PLA2G4A: variants seen among roughly 807,000 people sequenced by gnomAD.
The protein encoded by PLA2G4A is cytosolic phospholipase A2.
Under a neutral mutation model 81.9 loss-of-function variants are expected in PLA2G4A, and 40 were observed. That is an observed-to-expected ratio of 0.49 (90% CI 0.38 to 0.64). The LOEUF (loss-of-function observed/expected upper bound fraction) is 0.64, where lower values mean the gene tolerates loss of function less well. Ranked by LOEUF, PLA2G4A falls within the 30% of genes least tolerant of loss-of-function variation. The pLI, the probability that PLA2G4A is intolerant of heterozygous loss-of-function variation, is 0.00. For synonymous variants in PLA2G4A, 302 were observed against 296.9 expected (o/e 1.02, Z -0.18); for missense variants, 715 against 905.1 (o/e 0.79, Z 2.69).
At position 186,871,777 on chromosome 1, in the gene PLA2G4A, G is replaced by A. The variant is rs12720514; in HGVS notation, c.115+1261G>A. ...GAATTTGATGGCATTTAAGTAGTAA[G>A]TCACACAACTGAATTTTCATTTTTC... On this transcript the variant is annotated intron_variant, in intron 3 of 17. Coordinates refer to ENST00000367466, the MANE Select transcript of PLA2G4A (RefSeq NM_024420.3). Among the ~76,000 whole-genome samples the A allele has an allele frequency of 3.9e-3, 597 of 152,200 alleles. 2 individuals carry two copies. The highest frequency in any genetic ancestry group is 6.3e-3 in the Non-Finnish European group (426 of 68,006).
intron 1 of PLA2G4A, among the ~76,000 whole-genome samples, chr1:186,830,034 T>C (rs1651490697): frequency 6.6e-6 from 1 of 152,204 alleles, no homozygotes; most frequent in Non-Finnish European, 1.5e-5. Context: ...TCAAGGGATA[T>C]TTGTAGAGGA....
intron 2 of PLA2G4A, among the ~76,000 whole-genome samples, chr1:186,867,829 G>A (rs980147313): frequency 6.6e-6 from 1 of 151,780 alleles, no homozygotes; most frequent in Non-Finnish European, 1.5e-5. Context: ...ATTAATTATA[G>A]GTTTTTTGTA....
intron 7 of PLA2G4A, among the ~76,000 whole-genome samples, chr1:186,924,091 C>A (rs1206399298): frequency 1.3e-5 from 2 of 152,122 alleles, no homozygotes; most frequent in African/African-American, 4.8e-5. Flanking sequence ...TCTTGAATAC[C>A]CCAATATATC....
chr1:186,968,167 A>G lies in PLA2G4A; in HGVS notation c.1764+2574A>G, dbSNP rs150572672. Among the ~76,000 whole-genome samples the G allele has an allele frequency of 3.9e-3, 587 of 152,192 alleles. 1 individual carries two copies. The highest frequency in any genetic ancestry group is 0.014 in the African/African-American group (561 of 41,534). ...TAAAATGTCAAAGCCATCATTTTAC[A>G]TGTGAATCAGGGCTCCACCACCTTA... On this transcript the variant is annotated intron_variant, in intron 15 of 17. Transcript: ENST00000367466.
intron 8 of PLA2G4A, among the ~76,000 whole-genome samples, chr1:186,934,962 T>TTC (rs1557881424): frequency 6.6e-6 from 1 of 151,982 alleles, no homozygotes; most frequent in Non-Finnish European, 1.5e-5. Context: ...TTCCACCAAC[T>TTC]TCTGCCATTT....
chr1:186,830,832 T>C (rs1010418925), intron 1 of PLA2G4A, among the ~76,000 whole-genome samples: 2 of 151,996 alleles, frequency 1.3e-5, no homozygotes, highest in African/African-American at 4.8e-5. Flanking sequence ...AAAATTATGT[T>C]CCAGGAATAA....
At chr1:186,956,807 C>A (rs139983499) in intron 14 of PLA2G4A, among the ~76,000 whole-genome samples, 42 of 152,226 alleles carry the variant, frequency 2.8e-4, no homozygotes, top group African/African-American at 9.1e-4. Flanking sequence ...AGTCACCGTA[C>A]CTGGCCTGGA....
intron 17 of PLA2G4A, among the ~76,000 whole-genome samples, chr1:186,983,996 T>C (rs1024036857): frequency 1.3e-5 from 2 of 152,164 alleles, no homozygotes; most frequent in Non-Finnish European, 2.9e-5. Context: ...GCAGCTAATA[T>C]AATTATTAGT....
intron 12 of PLA2G4A, among the ~76,000 whole-genome samples, chr1:186,949,349 A>G (rs1378367429): frequency 4.2e-5 from 6 of 144,126 alleles, no homozygotes; most frequent in Non-Finnish European, 7.6e-5. Flanking sequence ...AAAGAAAGAG[A>G]AAGAAAGAAA....
intron 6 of PLA2G4A, among the ~76,000 whole-genome samples, 177 bp downstream of exon 6, chr1:186,907,179 T>C (rs551575777): frequency 5.3e-5 from 8 of 152,328 alleles, no homozygotes; most frequent in Admixed American, 5.2e-4. Context: ...TACAAACATA[T>C]TCTTATATTC....
chr1:186,857,105 A>G lies in PLA2G4A; in HGVS notation c.33+2718A>G, dbSNP rs1478774862. Reference sequence around the variant, plus strand: ...TACATATATAATATATAATATAATTATATAATTATATAATATTCTATAATA... The same window carrying G: ...TACATATATAATATATAATATAATTGTATAATTATATAATATTCTATAATA... On this transcript the variant is annotated intron_variant, in intron 2 of 17. Coordinates refer to ENST00000367466, the MANE Select transcript of PLA2G4A (RefSeq NM_024420.3). 2.0e-4 allele frequency among the ~76,000 whole-genome samples: 3 copies of G among 14,910 alleles called. 1 individual carries two copies. The highest frequency in any genetic ancestry group is 1.2e-3 in the African/African-American group (3 of 2,416). 9.8% of individuals were successfully genotyped at this position (14,910 alleles called of 152,430 possible). A position where few individuals can be genotyped will look rare whatever the true frequency, so the allele number is the denominator to read the frequency against.
At chr1:186,901,186 T>A (rs1654525735) in intron 5 of PLA2G4A, among the ~76,000 whole-genome samples, 1 of 152,218 alleles carries the variant, frequency 6.6e-6, no homozygotes, top group African/African-American at 2.4e-5. Flanking sequence ...TTCGCTAAGA[T>A]GTTAAAACTG....
At chr1:186,842,629 G>A (rs2102009456) in intron 1 of PLA2G4A, among the ~76,000 whole-genome samples, 1 of 152,254 alleles carries the variant, frequency 6.6e-6, no homozygotes, top group East Asian at 1.9e-4. Context: ...CTTAAAAGAA[G>A]AGGGAATTTG....
At chr1:186,936,654 A>G (rs1655957393) in intron 8 of PLA2G4A, among the ~76,000 whole-genome samples, 1 of 151,954 alleles carries the variant, frequency 6.6e-6, no homozygotes, top group Non-Finnish European at 1.5e-5. Context: ...TGGATTCAGC[A>G]AGTCCTGGTA....
At chr1:186,894,040 GTCATTTCC>G (rs1654245130) in intron 4 of PLA2G4A, 50 bp from the exon 5 acceptor site, 7 of 781,746 alleles carry the variant, frequency 9.0e-6, no homozygotes, top group South Asian at 6.8e-5. Context: ...AATTATAGAT[GTCATTTCC>G]AAAGATCCAT....
In PLA2G4A at chr1:186,893,015, T is replaced by C; in HGVS notation, c.120T>C (p.Asp40=). 9 of 1,603,494 alleles carry C rather than the reference T, an allele frequency of 5.6e-6. No homozygotes were observed. Among genetic ancestry groups the C allele is most frequent in the Non-Finnish European group, 7.7e-6 (9 of 1,170,266 alleles). ...GTTTGTGTTTACTATCTGTAGTTGA[T>C]ACTCCAGATCCCTATGTGGAACTTT... The part of the protein sequence containing the change: ...VTKGAFGDML[D]TPDPYVELFI... The change falls in exon 4 of 18, where the codon GAT becomes GAC. Residue 40 remains aspartate (D), a synonymous_variant. Coordinates refer to ENST00000367466, the MANE Select transcript of PLA2G4A (RefSeq NM_024420.3).
intron 10 of PLA2G4A, among the ~76,000 whole-genome samples, chr1:186,942,918 T>C (rs1490326470): frequency 6.6e-6 from 1 of 152,152 alleles, no homozygotes; most frequent in African/African-American, 2.4e-5. Flanking sequence ...TTAGACAAAA[T>C]CATTAAACAT....
chr1:186,882,189 A>C (rs1045991459), intron 3 of PLA2G4A, among the ~76,000 whole-genome samples: 3 of 152,118 alleles, frequency 2.0e-5, no homozygotes, highest in Non-Finnish European at 4.4e-5. Flanking sequence ...TTTTATGCAG[A>C]TGTATCTAGA....
chr1:186,848,801 C>T (rs1282481319), intron 1 of PLA2G4A, among the ~76,000 whole-genome samples: 1 of 151,852 alleles, frequency 6.6e-6, no homozygotes, highest in Non-Finnish European at 1.5e-5. Context: ...AGAAACTAGA[C>T]TTGGACAGTT....
Sources: gnomAD v4.1 joint callset for allele counts (sites outside exome capture counted in the v4.1 genomes callset) on GRCh38, gnomAD v4.1.1 for gene constraint, MANE v1.5 for transcripts, NCBI Gene and HGNC (gene_info 2026-07-23, HGNC 2026-07-21) for gene names.